CALN1: variants seen among roughly 807,000 people sequenced by gnomAD.
CALN1 encodes calcium-binding protein 8.
A neutral mutation model predicts 30.6 loss-of-function variants in CALN1; 17 were observed. That is an observed-to-expected ratio of 0.56 (90% CI 0.38 to 0.83). CALN1 has a LOEUF of 0.83. Among genes scored for constraint, CALN1 ranks in the 40% least tolerant of loss-of-function variants. The probability of loss-of-function intolerance (pLI) is 0.00; values close to 1 mark genes in which losing one functional copy is unlikely to be tolerated. For synonymous variants in CALN1, 156 were observed against 131.4 expected (o/e 1.19, Z -1.28); for missense variants, 291 against 354.9 (o/e 0.82, Z 1.45).
intron 4 of CALN1, among the ~76,000 whole-genome samples, chr7:72,086,744 A>T (rs571929665): frequency 6.6e-6 from 1 of 152,238 alleles, no homozygotes; most frequent in African/African-American, 2.4e-5. Context: ...TGGCCCAATT[A>T]TTTTTATGGA....
intron 5 of CALN1, among the ~76,000 whole-genome samples, chr7:71,861,414 A>G (rs1791270092): frequency 6.6e-6 from 1 of 152,082 alleles, no homozygotes; most frequent in Admixed American, 6.6e-5. Flanking sequence ...ATTTAATAGC[A>G]TCAGGGGAAA....
intron 3 of CALN1, among the ~76,000 whole-genome samples, chr7:72,196,011 T>C (rs1790963935): frequency 6.6e-6 from 1 of 151,776 alleles, no homozygotes; most frequent in Non-Finnish European, 1.5e-5. Context: ...ATGTCCAAAA[T>C]AAGCAAACAG....
chr7:72,210,778 G>C (rs938381384), intron 3 of CALN1, among the ~76,000 whole-genome samples: 4 of 152,060 alleles, frequency 2.6e-5, no homozygotes, highest in African/African-American at 9.7e-5. Context: ...TGCAAGATGA[G>C]ATTTGGGATA....
chr7:71,817,898 G>C (rs868344797), intron 5 of CALN1, among the ~76,000 whole-genome samples: 1 of 151,294 alleles, frequency 6.6e-6, no homozygotes, highest in Non-Finnish European at 1.5e-5. Flanking sequence ...TGGACTACTG[G>C]AGTCAAGGAC....
intron 3 of CALN1, among the ~76,000 whole-genome samples, chr7:72,183,254 G>A (rs1047716643): frequency 6.6e-6 from 1 of 152,024 alleles, no homozygotes; most frequent in Non-Finnish European, 1.5e-5. Flanking sequence ...TAGTAGAGAC[G>A]GGGTTTCACC....
At chr7:72,288,755 T>G (rs1474537566) in intron 2 of CALN1, among the ~76,000 whole-genome samples, 3 of 152,220 alleles carry the variant, frequency 2.0e-5, no homozygotes, top group Non-Finnish European at 4.4e-5. Context: ...CTTTATGTAT[T>G]GGATTGTTTA....
intron 2 of CALN1, among the ~76,000 whole-genome samples, chr7:72,393,451 A>G (rs1256964220): frequency 1.3e-5 from 2 of 152,166 alleles, no homozygotes; most frequent in African/African-American, 4.8e-5. Context: ...GAGAGAGAGC[A>G]AGACTCCGTC....
chr7:72,273,501 C>CTTTT (rs773609513), intron 3 of CALN1, among the ~76,000 whole-genome samples: 1 of 101,826 alleles, frequency 9.8e-6, no homozygotes, highest in Non-Finnish European at 1.8e-5. Context: ...AGGCAAGATT[C>CTTTT]TTTTTTTTTT....
intron 5 of CALN1, among the ~76,000 whole-genome samples, chr7:72,004,545 A>C (rs2129528767): frequency 6.6e-6 from 1 of 152,360 alleles, no homozygotes; most frequent in Non-Finnish European, 1.5e-5. Flanking sequence ...AGACCACATC[A>C]AAATTAAAAG....
At chr7:72,076,619 A>G (rs1584892167) in intron 4 of CALN1, among the ~76,000 whole-genome samples, 1 of 94,474 alleles carries the variant, frequency 1.1e-5, no homozygotes, top group African/African-American at 4.4e-5. Flanking sequence ...AGCAAAAAAA[A>G]AAAAAAAAAA....
chr7:71,813,136 A>G (rs1788062575), intron 5 of CALN1, among the ~76,000 whole-genome samples: 1 of 151,960 alleles, frequency 6.6e-6, no homozygotes, highest in Non-Finnish European at 1.5e-5. Flanking sequence ...TTTAGTAGAG[A>G]CAGGGTCTGG....
chr7:71,947,933 T>C (rs1378542967), intron 5 of CALN1, among the ~76,000 whole-genome samples: 1 of 46,682 alleles, frequency 2.1e-5, no homozygotes, highest in Non-Finnish European at 4.8e-5. Context: ...AGACTCCGTC[T>C]CAAAAAAAAA....
intron 5 of CALN1, among the ~76,000 whole-genome samples, chr7:71,823,018 A>T (rs1788682313): frequency 2.0e-5 from 3 of 152,200 alleles, no homozygotes; most frequent in Admixed American, 1.3e-4. Context: ...ACAATGAAAC[A>T]CTTGTGAATA....
chr7:72,003,754 T>C (rs1271644052), intron 5 of CALN1, among the ~76,000 whole-genome samples: 1 of 152,192 alleles, frequency 6.6e-6, no homozygotes. Context: ...GTTGTATAAT[T>C]ATTTCATTAT....
intron 2 of CALN1, among the ~76,000 whole-genome samples, chr7:72,323,125 T>C (rs1439294002): frequency 6.6e-6 from 1 of 151,870 alleles, no homozygotes; most frequent in African/African-American, 2.4e-5. Flanking sequence ...TAAATAAGTT[T>C]CATCCTGACA....
At chr7:72,012,656 C>A (rs1395671669) in intron 5 of CALN1, among the ~76,000 whole-genome samples, 1 of 152,340 alleles carries the variant, frequency 6.6e-6, no homozygotes, top group South Asian at 2.1e-4. Flanking sequence ...CTGTGACAGT[C>A]CTGCCTTGCG....
chr7:72,442,552 C>A (rs1379026312), intron 1 of CALN1, among the ~76,000 whole-genome samples: 1 of 148,020 alleles, frequency 6.8e-6, no homozygotes, highest in Non-Finnish European at 1.5e-5. Flanking sequence ...TAGGATTGGA[C>A]TTTATTAAGG....
intron 2 of CALN1, among the ~76,000 whole-genome samples, chr7:72,367,559 A>G (rs1354254211): frequency 2.0e-5 from 3 of 151,940 alleles, no homozygotes; most frequent in Admixed American, 6.6e-5. Context: ...CAGTATTTCA[A>G]GGTTACAGAA....
At chr7:71,888,937 A>G (rs1793077426) in intron 5 of CALN1, among the ~76,000 whole-genome samples, 2 of 152,338 alleles carry the variant, frequency 1.3e-5, no homozygotes, top group South Asian at 4.1e-4. Context: ...TTTGTTCACA[A>G]TGTAGGAATC....
Sources: gnomAD v4.1 joint callset for allele counts (sites outside exome capture counted in the v4.1 genomes callset) on GRCh38, gnomAD v4.1.1 for gene constraint, MANE v1.5 for transcripts, NCBI Gene and HGNC (gene_info 2026-07-23, HGNC 2026-07-21) for gene names.